The following ECHDC1 variants were observed in gnomAD, a reference collection of about 807,000 sequenced individuals.
The protein encoded by ECHDC1 is ethylmalonyl-CoA decarboxylase 1.
ECHDC1 carries 29 observed loss-of-function variants against 29.7 expected under a neutral mutation model. That is an observed-to-expected ratio of 0.98 (90% CI 0.73 to 1.33). The LOEUF is 1.33. ECHDC1 is among the 40% of genes most tolerant of loss of function. The pLI is 0.00. For missense variants in ECHDC1, 328 were observed against 350.0 expected, an observed-to-expected ratio of 0.94 and a Z score of 0.50; for synonymous variants, 126 against 123.1, an observed-to-expected ratio of 1.02 and a Z score of -0.15.
chr6:127,339,401 T>C, intron 1 of ECHDC1, among the ~76,000 whole-genome samples: 1 of 151,714 alleles, frequency 6.6e-6, no homozygotes, highest in East Asian at 1.9e-4. Context: ...ATGTGGTTAT[T>C]ACTATATAGG....
chr6:127,315,080 T>G (rs2114618031), intron 4 of ECHDC1, 184 bp from the exon 5 acceptor site: 1 of 703,156 alleles, frequency 1.4e-6, no homozygotes, highest in East Asian at 2.7e-5. Flanking sequence ...AAAAACAGTG[T>G]AATACTAAAC....
chr6:127,314,488 C>T (rs559973721), intron 5 of ECHDC1, among the ~76,000 whole-genome samples: 1 of 152,114 alleles, frequency 6.6e-6, no homozygotes, highest in East Asian at 1.9e-4. Flanking sequence ...ATGTTGCTTA[C>T]CTTTGTTTGT....
At chr6:127,308,171 C>A (rs1336542765) in intron 5 of ECHDC1, among the ~76,000 whole-genome samples, 1 of 152,040 alleles carries the variant, frequency 6.6e-6, no homozygotes, top group Non-Finnish European at 1.5e-5. Flanking sequence ...ACCCTGATAC[C>A]AAACCAGATA....
Position 127,326,837 on chromosome 6 carries a change from T to C in ECHDC1, c.363+165A>G, listed in dbSNP as rs1783387605. The stretch of plus-strand genomic sequence containing the variant: ...AAACCTCAGAATCATTTGCTTGTTA[T>C]ATTGTTCCTCCTATAATCCTACCAA... On this transcript the variant is annotated intron_variant, in intron 3 of 5. Coordinates refer to ENST00000454859, the MANE Select transcript of ECHDC1 (RefSeq NM_001002030.2). 7.6e-6 allele frequency: 5 copies of C among 660,436 alleles called. No homozygotes were observed. In the East Asian group the frequency reaches 8.5e-5, roughly 11 times the overall value. The allele number at this position is 660,436 out of a possible 1,614,324, so 40.9% of individuals were successfully genotyped here.
chr6:127,337,914 T>G (rs1053230127), intron 1 of ECHDC1, among the ~76,000 whole-genome samples: 1 of 152,202 alleles, frequency 6.6e-6, no homozygotes, highest in African/African-American at 2.4e-5. Flanking sequence ...TTCTGAAGCT[T>G]TCTTTACTTT....
At chr6:127,315,714 A>C (rs549159240) in intron 4 of ECHDC1, 1 of 324,832 alleles carries the variant, frequency 3.1e-6, no homozygotes, top group South Asian at 2.6e-5. Flanking sequence ...ATAGGGTTTA[A>C]ACAATGAAGA....
chr6:127,330,857 T>A lies in ECHDC1; in HGVS notation c.172A>T (p.Ile58Phe). The A allele has an allele frequency of 6.2e-7, 1 of 1,614,124 alleles. No individual in the cohort carries two copies. Among genetic ancestry groups the A allele is most frequent in the Non-Finnish European group, 8.5e-7 (1 of 1,179,996 alleles). Residue 58 changes from isoleucine to phenylalanine, a missense_variant, in exon 2 of 6, where the codon ATT becomes TTT. Coordinates refer to ENST00000454859, the MANE Select transcript of ECHDC1 (RefSeq NM_001002030.2). ...GGATTGTTCAGAGTAAGAATGCCAATGCCATTGTCTTCCTTCTGAAGGTCA... is the reference window on the plus strand; with the variant it reads ...GGATTGTTCAGAGTAAGAATGCCAAAGCCATTGTCTTCCTTCTGAAGGTCA... Reference protein sequence around the residue: ...SIDLQKEDNGIGILTLNNPSR... With the variant: ...SIDLQKEDNGFGILTLNNPSR...
At chr6:127,327,327 G>A (rs1783442293) in intron 2 of ECHDC1, among the ~76,000 whole-genome samples, 183 bp from the exon 3 acceptor site, 1 of 152,108 alleles carries the variant, frequency 6.6e-6, no homozygotes, top group Non-Finnish European at 1.5e-5. Flanking sequence ...ACACATGGCA[G>A]GCCCTGCATT....
chr6:127,343,218 C>G (rs1284786241), intron 1 of ECHDC1, 118 bp downstream of exon 1: 1 of 152,204 alleles, frequency 6.6e-6, no homozygotes, highest in African/African-American at 2.4e-5. Context: ...GGGAGGCTCG[C>G]CGTCTGGGAC....
chr6:127,307,863 C>A (rs1471659871), intron 5 of ECHDC1, among the ~76,000 whole-genome samples: 1 of 151,138 alleles, frequency 6.6e-6, no homozygotes, highest in Non-Finnish European at 1.5e-5. Flanking sequence ...CTACAATGAG[C>A]AACTACATGT....
At chr6:127,317,102 T>C (rs1782452507) in intron 3 of ECHDC1, among the ~76,000 whole-genome samples, 1 of 152,142 alleles carries the variant, frequency 6.6e-6, no homozygotes. Flanking sequence ...ATTAAATGAC[T>C]TTTCCTTATT....
intron 5 of ECHDC1, among the ~76,000 whole-genome samples, chr6:127,290,991 A>G (rs1780123068): frequency 1.3e-5 from 2 of 152,120 alleles, no homozygotes; most frequent in South Asian, 4.1e-4. Flanking sequence ...TGAGCAATGC[A>G]AAAATCTGGG....
At chr6:127,327,622 A>T (rs934908022) in intron 2 of ECHDC1, among the ~76,000 whole-genome samples, 9 of 152,152 alleles carry the variant, frequency 5.9e-5, no homozygotes, top group African/African-American at 2.2e-4. Flanking sequence ...TATACTACTG[A>T]CATCAGAATT....
rs1562299583 is a variant in ECHDC1, at chr6:127,289,987, G to A, written c.788C>T (p.Ser263Leu). 2 of 1,613,660 alleles carry A rather than the reference G, an allele frequency of 1.2e-6. No individual in the cohort carries two copies. Among genetic ancestry groups the A allele is most frequent in the Middle Eastern group, 1.7e-4 (1 of 6,058 alleles). The change falls in exon 6 of 6, where the codon TCA (serine) becomes TTA (leucine). Residue 263 changes from serine to leucine, a missense_variant. Transcript: ENST00000454859. ...VIRALKKSVC[S>L]GRELYLEEAL... ...TTCCTCCAAATATAGCTCTCTGCCT[G>A]AACAAACAGATTTTTTCAAAGCTCT...
intron 5 of ECHDC1, among the ~76,000 whole-genome samples, chr6:127,291,810 C>T (rs992658890): frequency 2.0e-5 from 3 of 152,102 alleles, no homozygotes; most frequent in African/African-American, 7.2e-5. Context: ...CACTGGGAAA[C>T]TTTCTCTTCA....
At chr6:127,314,937 T>A in intron 4 of ECHDC1, 41 bp from the exon 5 acceptor site, 1 of 1,540,922 alleles carries the variant, frequency 6.5e-7, no homozygotes, top group Non-Finnish European at 8.9e-7. Context: ...ATTTTTAATT[T>A]CAATATTCAT....
intron 5 of ECHDC1, among the ~76,000 whole-genome samples, chr6:127,311,147 T>A (rs959349734): frequency 2.6e-5 from 4 of 152,138 alleles, no homozygotes; most frequent in African/African-American, 7.2e-5. Flanking sequence ...AAACCAAACC[T>A]GTGATATCTA....
At chr6:127,304,649 G>C (rs896051615) in intron 5 of ECHDC1, among the ~76,000 whole-genome samples, 3 of 152,070 alleles carry the variant, frequency 2.0e-5, no homozygotes, top group Non-Finnish European at 4.4e-5. Context: ...AGAAATTCAA[G>C]ATAACACAGA....
chr6:127,331,413 T>C (rs1362395838), intron 1 of ECHDC1, among the ~76,000 whole-genome samples: 1 of 152,172 alleles, frequency 6.6e-6, no homozygotes, highest in Non-Finnish European at 1.5e-5. Context: ...CCCAAAGTGC[T>C]GGGATTATAG....
Sources: gnomAD v4.1 joint callset for allele counts (sites outside exome capture counted in the v4.1 genomes callset) on GRCh38, gnomAD v4.1.1 for gene constraint, MANE v1.5 for transcripts, NCBI Gene and HGNC (gene_info 2026-07-23, HGNC 2026-07-21) for gene names.